The following SMOC2 variants were observed in gnomAD, a reference collection of about 807,000 sequenced individuals.
The protein encoded by SMOC2 is SPARC-related modular calcium-binding protein 2.
A neutral mutation model predicts 61.4 loss-of-function variants in SMOC2; 39 were observed. The ratio of observed to expected loss-of-function variants is 0.64; its 90% CI spans 0.49 to 0.83. SMOC2 has a LOEUF of 0.83. Among genes scored for constraint, SMOC2 ranks in the 40% least tolerant of loss-of-function variants. The probability of loss-of-function intolerance (pLI) is 0.00; values close to 1 mark genes in which losing one functional copy is unlikely to be tolerated. For missense variants in SMOC2, 556 were observed against 592.9 expected (o/e 0.94, Z 0.65); for synonymous variants, 247 against 239.9 (o/e 1.03, Z -0.27).
At chr6:168,617,304 G>T (rs1786120083) in intron 9 of SMOC2, among the ~76,000 whole-genome samples, 1 of 152,170 alleles carries the variant, frequency 6.6e-6, no homozygotes, top group South Asian at 2.1e-4. Flanking sequence ...ACAGGAGGGT[G>T]CTGGGCGCTT....
At chr6:168,552,893 T>A (rs927182846) in intron 7 of SMOC2, among the ~76,000 whole-genome samples, 1 of 132,560 alleles carries the variant, frequency 7.5e-6, no homozygotes, top group African/African-American at 2.8e-5. Context: ...GGCCCCTCAC[T>A]GTCCTCCGAG....
intron 9 of SMOC2, among the ~76,000 whole-genome samples, chr6:168,628,975 G>A (rs976209829): frequency 2.6e-5 from 4 of 152,240 alleles, no homozygotes; most frequent in African/African-American, 4.8e-5. Context: ...CATGGGCTGC[G>A]CAGGGGTTCC....
At chr6:168,464,784 A>G (rs968264397) in intron 1 of SMOC2, among the ~76,000 whole-genome samples, 3 of 152,224 alleles carry the variant, frequency 2.0e-5, no homozygotes, top group Non-Finnish European at 4.4e-5. Context: ...TTCTGCCGTC[A>G]TAGAACAATT....
intron 7 of SMOC2, among the ~76,000 whole-genome samples, chr6:168,570,049 G>A (rs751594564): frequency 6.6e-6 from 1 of 151,804 alleles, no homozygotes; most frequent in Admixed American, 6.6e-5. Flanking sequence ...TCCGTGTCTA[G>A]ACGGCATTCT....
At chr6:168,609,186 G>A (rs192534344) in intron 9 of SMOC2, among the ~76,000 whole-genome samples, 36 of 152,168 alleles carry the variant, frequency 2.4e-4, no homozygotes, top group Non-Finnish European at 4.0e-4. Context: ...ATGTGGTTCC[G>A]GGGACACACA....
At chr6:168,661,466 G>A (rs1421665110) in intron 11 of SMOC2, among the ~76,000 whole-genome samples, 1 of 152,054 alleles carries the variant, frequency 6.6e-6, no homozygotes, top group Non-Finnish European at 1.5e-5. Flanking sequence ...GCTGGGTGTG[G>A]TGGTGTGAGC....
At chr6:168,587,192 A>G (rs1562364314) in intron 7 of SMOC2, among the ~76,000 whole-genome samples, 1 of 152,220 alleles carries the variant, frequency 6.6e-6, no homozygotes, top group African/African-American at 2.4e-5. Context: ...TAGTCCCTTC[A>G]ATTTTGCAAA....
intron 9 of SMOC2, among the ~76,000 whole-genome samples, chr6:168,643,431 AG>A (rs1786943125): frequency 6.6e-6 from 1 of 152,076 alleles, no homozygotes; most frequent in Non-Finnish European, 1.5e-5. Context: ...TGGTATCCTC[AG>A]GGCCTCAGGA....
chr6:168,581,832 G>C (rs574509512), intron 7 of SMOC2, among the ~76,000 whole-genome samples: 14 of 152,102 alleles, frequency 9.2e-5, no homozygotes, highest in Non-Finnish European at 1.9e-4. Flanking sequence ...GCTGGGTGCA[G>C]GTGTCTTTCC....
chr6:168,573,902 C>T (rs76906273), intron 7 of SMOC2, among the ~76,000 whole-genome samples: 3,116 of 152,322 alleles, frequency 0.02, 117 homozygotes, highest in African/African-American at 0.071. Flanking sequence ...TCTTGGGTCA[C>T]ACGTCCACCC....
chr6:168,557,689 C>G (rs1311270093), intron 7 of SMOC2, among the ~76,000 whole-genome samples: 2 of 152,108 alleles, frequency 1.3e-5, no homozygotes, highest in Non-Finnish European at 2.9e-5. Context: ...ACTAGTTGCT[C>G]ATGGGTCTGA....
intron 7 of SMOC2, among the ~76,000 whole-genome samples, chr6:168,574,113 C>A (rs537275811): frequency 6.6e-6 from 1 of 152,386 alleles, no homozygotes; most frequent in Admixed American, 6.5e-5. Context: ...CTGCAGCTGT[C>A]TTTTCCCTGC....
At chr6:168,511,932 C>T (rs931097781) in intron 2 of SMOC2, among the ~76,000 whole-genome samples, 1 of 150,088 alleles carries the variant, frequency 6.7e-6, no homozygotes. Flanking sequence ...GGTAGATTCT[C>T]TAGTAAGTGT....
At chr6:168,664,487 T>TA in intron 12 of SMOC2, 1 of 412,090 alleles carries the variant, frequency 2.4e-6, no homozygotes, top group Non-Finnish European at 4.6e-6. Context: ...CACCTGGGAT[T>TA]ACAGGCATGC....
chr6:168,442,559 T>TG (rs1300291469), intron 1 of SMOC2, among the ~76,000 whole-genome samples: 12 of 152,364 alleles, frequency 7.9e-5, no homozygotes, highest in African/African-American at 2.9e-4. Context: ...ACGAAGGTAG[T>TG]GAGAACGCCT....
intron 7 of SMOC2, among the ~76,000 whole-genome samples, chr6:168,573,885 G>C (rs1320534110): frequency 6.6e-6 from 1 of 152,204 alleles, no homozygotes; most frequent in South Asian, 2.1e-4. Flanking sequence ...CTTATCTCCA[G>C]TGACTGTCTT....
rs572798396 is a variant in SMOC2, at chr6:168,646,213, G to A, written c.908-4468G>A. On this transcript the variant is annotated intron_variant, in intron 9 of 12. Transcript: ENST00000356284. ...CGTGTGAAATCTCTGGCCCCCGTCC[G>A]TACACCTGCTTCCCTCGTGTTCCCG... Among the ~76,000 whole-genome samples, 8 of 152,242 alleles carry A rather than the reference G, an allele frequency of 5.3e-5. No homozygotes were observed. In the South Asian group the frequency reaches 8.3e-4, roughly 16 times the overall value.
chr6:168,655,314 G>A (rs146938095), intron 11 of SMOC2: 58 of 439,098 alleles, frequency 1.3e-4, no homozygotes, highest in Non-Finnish European at 2.0e-4. Context: ...CTGTGGCCCA[G>A]ACCAGTTATT....
At chr6:168,624,964 C>T (rs1263727059) in intron 9 of SMOC2, among the ~76,000 whole-genome samples, 1 of 152,118 alleles carries the variant, frequency 6.6e-6, no homozygotes, top group Non-Finnish European at 1.5e-5. Context: ...CTCACACAGA[C>T]ACATGCACAC....
Sources: gnomAD v4.1 joint callset for allele counts (sites outside exome capture counted in the v4.1 genomes callset) on GRCh38, gnomAD v4.1.1 for gene constraint, MANE v1.5 for transcripts, NCBI Gene and HGNC (gene_info 2026-07-23, HGNC 2026-07-21) for gene names.